Variants in CLEC2L observed in about 807,000 individuals in gnomAD.
CLEC2L encodes the protein C-type lectin domain family 2, member L.
In CLEC2L, 14 loss-of-function variants were observed where a neutral mutation model predicts 23.6. The ratio of observed to expected loss-of-function variants is 0.59; its 90% CI spans 0.39 to 0.93. The LOEUF (loss-of-function observed/expected upper bound fraction) is 0.93. Ranked by LOEUF, CLEC2L falls within the 40% of genes least tolerant of loss-of-function variation. The pLI is 0.00. For synonymous variants in CLEC2L, 114 were observed against 121.3 expected (o/e 0.94, Z 0.40); for missense variants, 264 against 282.4 (o/e 0.93, Z 0.47).
rs1797744257 is a variant in CLEC2L, at chr7:139,542,111, G to A, written c.523G>A (p.Asp175Asn). 9 of 1,609,860 alleles carry A rather than the reference G, an allele frequency of 5.6e-6. No individual in the cohort carries two copies. The highest frequency in any genetic ancestry group is 7.6e-6 in the Non-Finnish European group (9 of 1,177,958). Residue 175 changes from aspartate to asparagine, a missense_variant, in exon 4 of 5, where the codon GAT becomes AAT. Coordinates refer to ENST00000422142, the MANE Select transcript of CLEC2L (RefSeq NM_001080511.4). ...EFHWVNGDPF[D>N]PDTFTIAGPG... is the part of the protein sequence containing the mutation. Reference sequence around the variant, plus strand: ...CCACTGGGTCAACGGGGACCCGTTTGATCCGGACACGTGAGCTGAGGCTTC... The same window carrying A: ...CCACTGGGTCAACGGGGACCCGTTTAATCCGGACACGTGAGCTGAGGCTTC...
Position 139,544,250 on chromosome 7 carries a change from G to T in CLEC2L, c.553G>T (p.Gly185Trp). ...CCACAGGTTCACCATCGCAGGTCCA[G>T]GGGAGTGTGTCTTCGTGGAGCCCAC... Reference protein sequence around the residue: ...DPDTFTIAGPGECVFVEPTRL... With the variant: ...DPDTFTIAGPWECVFVEPTRL... Residue 185 changes from glycine to tryptophan, a missense_variant, in exon 5 of 5, where the codon GGG (glycine) becomes TGG (tryptophan). Coordinates refer to ENST00000422142, the MANE Select transcript of CLEC2L (RefSeq NM_001080511.4). The T allele has an allele frequency of 6.2e-7, 1 of 1,613,160 alleles. No individual in the cohort carries two copies.
intron 1 of CLEC2L, among the ~76,000 whole-genome samples, chr7:139,528,340 G>A (rs1374033494): frequency 1.3e-5 from 2 of 152,146 alleles, no homozygotes; most frequent in Admixed American, 6.5e-5. Flanking sequence ...CACTGTATTA[G>A]TCCGTTCTCA....
At chr7:139,530,622 G>A (rs921213364) in intron 1 of CLEC2L, among the ~76,000 whole-genome samples, 5 of 152,002 alleles carry the variant, frequency 3.3e-5, no homozygotes, top group African/African-American at 4.8e-5. Flanking sequence ...AGACCAGCCC[G>A]ACCAACATGG....
intron 1 of CLEC2L, among the ~76,000 whole-genome samples, chr7:139,528,269 T>C (rs1182831242): frequency 6.6e-6 from 1 of 152,046 alleles, no homozygotes; most frequent in Non-Finnish European, 1.5e-5. Context: ...TGGAGTAGAG[T>C]GGGCCCTAAT....
At position 139,544,625 on chromosome 7, in the gene CLEC2L, G is replaced by A. The variant is rs1041441079; in HGVS notation, c.*283G>A. On this transcript the variant is annotated 3_prime_UTR_variant, in exon 5 of 5. Coordinates refer to ENST00000422142, the MANE Select transcript of CLEC2L (RefSeq NM_001080511.4). ...CACACACATGCATAGGTACACGCAC[G>A]CACAGACGCTGTCCCTTCTGAAGCT... The A allele has an allele frequency of 2.2e-5, 9 of 408,926 alleles. No individual in the cohort carries two copies. Among genetic ancestry groups the A allele is most frequent in the African/African-American group, 1.2e-4 (6 of 49,810 alleles). 25.3% of individuals were successfully genotyped at this position (408,926 alleles called of 1,614,324 possible). A position where few individuals can be genotyped will look rare whatever the true frequency, so the allele number is the denominator to read the frequency against.
At chr7:139,537,442 G>C (rs1797675423) in intron 2 of CLEC2L, among the ~76,000 whole-genome samples, 1 of 152,214 alleles carries the variant, frequency 6.6e-6, no homozygotes, top group Non-Finnish European at 1.5e-5. Context: ...GGGTTTCAAG[G>C]GCTGGTGAAT....
Position 139,540,594 on chromosome 7 carries a change from C to A in CLEC2L, c.432+107C>A, listed in dbSNP as rs780104728. ...AAAGGATGCAGTGTTCCCTGTGACA[C>A]GTCTCCAAAGCCGCCCACCTGCTGC... is the stretch of plus-strand genomic sequence containing the variant. On this transcript the variant is annotated intron_variant, in intron 3 of 4. Transcript: ENST00000422142. The surrounding 1 kb of genome is among the most constrained non-coding windows in gnomAD (Gnocchi z 5.8). The A allele has an allele frequency of 1.5e-6, 2 of 1,349,140 alleles. No homozygotes were observed. The highest frequency in any genetic ancestry group is 2.1e-6 in the Non-Finnish European group (2 of 974,852). 83.6% of individuals were successfully genotyped at this position (1,349,140 alleles called of 1,614,324 possible). A position where few individuals can be genotyped will look rare whatever the true frequency, so the allele number is the denominator to read the frequency against.
At chr7:139,543,784 C>A (rs547327264) in intron 4 of CLEC2L, among the ~76,000 whole-genome samples, 1 of 152,162 alleles carries the variant, frequency 6.6e-6, no homozygotes, top group African/African-American at 2.4e-5. Flanking sequence ...AAGATGAGAG[C>A]GCACAGAGCT....
At chr7:139,541,429 T>A (rs1434515820) in intron 3 of CLEC2L, among the ~76,000 whole-genome samples, 1 of 152,182 alleles carries the variant, frequency 6.6e-6, no homozygotes, top group African/African-American at 2.4e-5. Context: ...TCATTTAACA[T>A]CCAAAACAGT....
intron 4 of CLEC2L, among the ~76,000 whole-genome samples, chr7:139,542,404 C>T (rs1391515876): frequency 2.0e-5 from 3 of 152,222 alleles, no homozygotes; most frequent in Non-Finnish European, 2.9e-5. Flanking sequence ...CTGATCTGTG[C>T]AGCCTGGCGC....
chr7:139,537,052 C>A (rs1297984457), intron 2 of CLEC2L, among the ~76,000 whole-genome samples: 4 of 147,830 alleles, frequency 2.7e-5, no homozygotes, highest in Non-Finnish European at 4.5e-5. Context: ...AAGCTCTGGG[C>A]TAAGTGCTAA....
intron 2 of CLEC2L, among the ~76,000 whole-genome samples, chr7:139,537,181 G>A (rs1002268533): frequency 1.3e-5 from 2 of 152,052 alleles, no homozygotes; most frequent in African/African-American, 4.8e-5. Context: ...CTGAACCCTG[G>A]AGAATGAATA....
chr7:139,534,192 C>T (rs916250551), intron 1 of CLEC2L: 35 of 756,470 alleles, frequency 4.6e-5, no homozygotes, highest in Non-Finnish European at 3.6e-5. Flanking sequence ...AAAGAACTAC[C>T]GGTAGCAGCG....
At chr7:139,524,242 G>T (rs1385061806) in intron 1 of CLEC2L, 125 bp downstream of exon 1, 1 of 1,048,498 alleles carries the variant, frequency 9.5e-7, no homozygotes, top group Non-Finnish European at 1.2e-6. Flanking sequence ...GCGCGGCGCC[G>T]GGACGCGGCG....
chr7:139,531,634 C>T (rs1797583521), intron 1 of CLEC2L, among the ~76,000 whole-genome samples: 1 of 152,100 alleles, frequency 6.6e-6, no homozygotes, highest in South Asian at 2.1e-4. Context: ...CCTGGCTGGG[C>T]ATGGTGGCTC....
intron 1 of CLEC2L, among the ~76,000 whole-genome samples, chr7:139,530,149 A>T (rs1301988782): frequency 6.6e-6 from 1 of 151,838 alleles, no homozygotes; most frequent in East Asian, 1.9e-4. Flanking sequence ...GCACCACTGT[A>T]CTCCAGCTTG....
At chr7:139,532,803 C>G (rs1197385876) in intron 1 of CLEC2L, among the ~76,000 whole-genome samples, 1 of 152,172 alleles carries the variant, frequency 6.6e-6, no homozygotes, top group Non-Finnish European at 1.5e-5. Flanking sequence ...AGAACCTGAC[C>G]ATGCTGGCAC....
chr7:139,524,283 G>A (rs995279493), intron 1 of CLEC2L, among the ~76,000 whole-genome samples, 166 bp downstream of exon 1: 1 of 149,784 alleles, frequency 6.7e-6, no homozygotes, highest in African/African-American at 2.4e-5. Context: ...GCCAGACGCC[G>A]GTTCGTGGGG....
intron 1 of CLEC2L, among the ~76,000 whole-genome samples, chr7:139,535,619 AATG>A (rs569374469): frequency 6.6e-6 from 1 of 152,246 alleles, no homozygotes; most frequent in South Asian, 2.1e-4. Context: ...GAGAATATTA[AATG>A]ATAACAAAAT....
Sources: allele counts gnomAD v4.1 joint callset (sites outside exome capture counted in the v4.1 genomes callset), GRCh38; gene constraint gnomAD v4.1.1; non-coding constraint Gnocchi (gnomAD v3.1); transcripts MANE v1.5; gene names NCBI Gene and HGNC (gene_info 2026-07-23, HGNC 2026-07-21).